The following DUSP11 variants were observed in gnomAD, a reference collection of about 807,000 sequenced individuals.
DUSP11 encodes RNA/RNP complex-1-interacting phosphatase.
DUSP11 carries 27 observed loss-of-function variants against 41.4 expected under a neutral mutation model. That is an observed-to-expected ratio of 0.65 (90% CI 0.48 to 0.90). DUSP11 has a LOEUF of 0.90. Among genes scored for constraint, DUSP11 ranks in the 40% least tolerant of loss-of-function variants. The pLI is 0.00. For synonymous variants in DUSP11, 188 were observed against 159.3 expected (o/e 1.18, Z -1.35); for missense variants, 465 against 461.1 (o/e 1.01, Z -0.08).
intron 4 of DUSP11, 80 bp from the exon 5 acceptor site, chr2:73,769,405 A>G: frequency 9.6e-7 from 1 of 1,044,866 alleles, no homozygotes; most frequent in Non-Finnish European, 1.5e-6. Flanking sequence ...GAAAATGAAT[A>G]ACTCTTAAGA....
Position 73,779,646 on chromosome 2 carries a change from C to A in DUSP11, c.242+228G>T, listed in dbSNP as rs1672754668. On this transcript the variant is annotated intron_variant, in intron 1 of 8. Transcript: ENST00000272444. Reference sequence around the variant, plus strand: ...AATCCTTCCGTATTTTACCTAAGAGCAATGGCCAGAACCTCCCTTTTACAA... The same window carrying A: ...AATCCTTCCGTATTTTACCTAAGAGAAATGGCCAGAACCTCCCTTTTACAA... The A allele has an allele frequency of 6.1e-6, 4 of 658,812 alleles. No individual in the cohort carries two copies. In the Admixed American group the frequency reaches 1.2e-4, roughly 20 times the overall value. 40.8% of individuals were successfully genotyped at this position (658,812 alleles called of 1,614,324 possible).
At chr2:73,767,746 T>G (rs2103931501) in intron 5 of DUSP11, 1 of 152,934 alleles carries the variant, frequency 6.5e-6, no homozygotes, top group African/African-American at 2.4e-5. Context: ...TATCTGTATC[T>G]TTCTACCAAA....
At chr2:73,769,382 T>A (rs1048113501) in intron 4 of DUSP11, 57 bp from the exon 5 acceptor site, 20 of 1,196,696 alleles carry the variant, frequency 1.7e-5, no homozygotes, top group Non-Finnish European at 2.2e-5. Context: ...GTATATAACA[T>A]TATCACTGCC....
intron 8 of DUSP11, among the ~76,000 whole-genome samples, chr2:73,764,753 G>A (rs1378700526): frequency 6.6e-6 from 1 of 152,112 alleles, no homozygotes; most frequent in Non-Finnish European, 1.5e-5. Context: ...GATCACCTGA[G>A]GTCAGGAGTT....
chr2:73,762,820 A>G (rs779883515), exon 9 of DUSP11: 8 of 1,608,950 alleles, frequency 5.0e-6, no homozygotes, highest in African/African-American at 2.7e-5. Context: ...GAGGAGGGAG[A>G]TGGTGTCTCT....
intron 1 of DUSP11, 61 bp downstream of exon 1, chr2:73,779,813 G>C: frequency 6.2e-7 from 1 of 1,600,122 alleles, no homozygotes; most frequent in Non-Finnish European, 8.5e-7. Flanking sequence ...CACAAACGAT[G>C]AAGCCCAGAC....
intron 5 of DUSP11, chr2:73,768,737 A>C (rs1015324332): frequency 2.5e-6 from 2 of 787,588 alleles, no homozygotes; most frequent in Admixed American, 6.3e-5. Context: ...CGGGTGGATC[A>C]CAAGGTCAGG....
chr2:73,766,599 A>C lies in DUSP11; in HGVS notation c.759-5T>G. The C allele has an allele frequency of 6.2e-7, 1 of 1,601,706 alleles. No homozygotes were observed. The highest frequency in any genetic ancestry group is 8.5e-7 in the Non-Finnish European group (1 of 1,176,144). On this transcript the variant is annotated splice_polypyrimidine_tract_variant and splice_region_variant and intron_variant, in intron 7 of 8. Transcript: ENST00000272444. ...GGTACACTGGAATTCCAATTCCTTA[A>C]AGAGAATATTTTCCACACAATATTA...
At chr2:73,769,494 C>A (rs1168836833) in intron 4 of DUSP11, among the ~76,000 whole-genome samples, 169 bp from the exon 5 acceptor site, 1 of 152,206 alleles carries the variant, frequency 6.6e-6, no homozygotes, top group African/African-American at 2.4e-5. Context: ...GGAAACTTTG[C>A]ATAGTCCCAA....
chr2:73,769,375 T>C, intron 4 of DUSP11, 50 bp from the exon 5 acceptor site: 1 of 1,296,158 alleles, frequency 7.7e-7, no homozygotes, highest in Non-Finnish European at 1.1e-6. Flanking sequence ...TACACAAGTA[T>C]ATAACATTAT....
chr2:73,768,510 A>C (rs1321533760), intron 5 of DUSP11: 3 of 985,318 alleles, frequency 3.0e-6, no homozygotes, highest in Middle Eastern at 5.2e-4. Context: ...TGATTAAGAA[A>C]TTCTATTTTG....
At chr2:73,773,636 C>T (rs1413390736) in intron 4 of DUSP11, 164 bp downstream of exon 4, 4 of 681,942 alleles carry the variant, frequency 5.9e-6, no homozygotes, top group Non-Finnish European at 9.6e-6. Flanking sequence ...TATTTGTGAT[C>T]AACAAAAGGA....
intron 2 of DUSP11, among the ~76,000 whole-genome samples, chr2:73,776,689 CA>C (rs949032495): frequency 2.6e-5 from 4 of 151,614 alleles, no homozygotes; most frequent in African/African-American, 4.8e-5. Flanking sequence ...TATTTTGCCA[CA>C]AAAAAAATGA....
At chr2:73,769,441 T>A in intron 4 of DUSP11, 116 bp from the exon 5 acceptor site, 2 of 777,580 alleles carry the variant, frequency 2.6e-6, no homozygotes, top group Non-Finnish European at 4.1e-6. Flanking sequence ...AGGAACATAC[T>A]ATAAAGAATC....
chr2:73,780,089 G>A (rs777582669), exon 1 of DUSP11: 8 of 1,572,564 alleles, frequency 5.1e-6, no homozygotes, highest in African/African-American at 2.7e-5. Context: ...CACCTACGCC[G>A]CGCTCCAGCG....
At chr2:73,762,963 TAC>T in intron 8 of DUSP11, 104 bp from the exon 9 acceptor site, 1 of 453,960 alleles carries the variant, frequency 2.2e-6, no homozygotes, top group Non-Finnish European at 3.3e-6. Flanking sequence ...TTTATAAATT[TAC>T]AAAATAATAT....
chr2:73,777,963 G>C (rs557296939), intron 2 of DUSP11, among the ~76,000 whole-genome samples: 10 of 152,146 alleles, frequency 6.6e-5, no homozygotes, highest in African/African-American at 2.4e-4. Context: ...ACCTAGATCA[G>C]TCTACATTTG....
intron 2 of DUSP11, among the ~76,000 whole-genome samples, chr2:73,775,863 TTAAAAAA>T (rs1328469834): frequency 3.9e-5 from 4 of 101,488 alleles, no homozygotes; most frequent in African/African-American, 4.5e-5. Flanking sequence ...AAAAAAAAAT[TTAAAAAA>T]AAAAAAAAAA....
intron 2 of DUSP11, among the ~76,000 whole-genome samples, chr2:73,776,837 A>G (rs927099694): frequency 6.6e-6 from 1 of 152,230 alleles, no homozygotes; most frequent in East Asian, 1.9e-4. Context: ...TATTAGTACT[A>G]CTGCTACTTC....
Sources: gnomAD v4.1 joint callset for allele counts (sites outside exome capture counted in the v4.1 genomes callset) on GRCh38, gnomAD v4.1.1 for gene constraint, MANE v1.5 for transcripts, NCBI Gene and HGNC (gene_info 2026-07-23, HGNC 2026-07-21) for gene names.